PALMD: variants seen among roughly 807,000 people sequenced by gnomAD.
PALMD encodes paralemmin-like protein.
Under a neutral mutation model 56.2 loss-of-function variants are expected in PALMD, and 42 were observed. The observed-to-expected ratio is 0.75, with a 90% CI of 0.58 to 0.97. The LOEUF (loss-of-function observed/expected upper bound fraction) is 0.97, where lower values mean the gene tolerates loss of function less well. Ranked by LOEUF, PALMD falls within the 50% of genes least tolerant of loss-of-function variation. The pLI is 0.00. For missense variants in PALMD, 660 were observed against 643.8 expected (o/e 1.03, Z -0.27); for synonymous variants, 242 against 222.9 (o/e 1.09, Z -0.76).
intron 1 of PALMD, among the ~76,000 whole-genome samples, chr1:99,650,988 C>A (rs1433125156): frequency 6.6e-6 from 1 of 152,078 alleles, no homozygotes; most frequent in Non-Finnish European, 1.5e-5. Context: ...TGCATAATGC[C>A]CCATTGTTAA....
chr1:99,649,659 C>T (rs1440510017), intron 1 of PALMD, among the ~76,000 whole-genome samples: 2 of 152,190 alleles, frequency 1.3e-5, no homozygotes, highest in African/African-American at 4.8e-5. Flanking sequence ...CTTAACATCT[C>T]CTCCACAGCT....
Position 99,688,850 on chromosome 1 carries a change from T to A in PALMD, c.590T>A (p.Leu197Gln), listed in dbSNP as rs757717040. The change falls in exon 7 of 8, where the codon CTG becomes CAG. Residue 197 changes from leucine to glutamine, a missense_variant. Transcript: ENST00000263174. ...AGTACAGTTCTGTCTTCAATACCTC[T>A]GCCATCAGATGACTTTAAAGGTACA... ...GESTVLSSIPLPSDDFKGTGI... is the reference protein window; with the variant it reads ...GESTVLSSIPQPSDDFKGTGI... The A allele has an allele frequency of 8.7e-6, 14 of 1,612,668 alleles. No individual in the cohort carries two copies. In the South Asian group the frequency reaches 1.5e-4, roughly 18 times the overall value.
chr1:99,658,927 C>T (rs1571061626), intron 1 of PALMD, among the ~76,000 whole-genome samples: 1 of 150,170 alleles, frequency 6.7e-6, no homozygotes, highest in East Asian at 1.9e-4. Flanking sequence ...GCCTCGGTGA[C>T]AGAGTGAGAC....
Position 99,686,729 on chromosome 1 carries a change from A to C in PALMD, c.305A>C (p.Lys102Thr). 1 of 1,609,968 alleles carries C rather than the reference A, an allele frequency of 6.2e-7. No homozygotes were observed. The highest frequency in any genetic ancestry group is 8.5e-7 in the Non-Finnish European group (1 of 1,177,188). Reference sequence around the variant, plus strand: ...AAAGCTGAACTGCAAATCTCAACGAAGGAAGAGGCCATTTTAAAGAAACTA... The same window carrying C: ...AAAGCTGAACTGCAAATCTCAACGACGGAAGAGGCCATTTTAAAGAAACTA... ...LEKAELQIST[K>T]EEAILKKLKS... Residue 102 changes from lysine (K) to threonine (T), a missense_variant, in exon 4 of 8, where the codon AAG (lysine) becomes ACG (threonine). Transcript: ENST00000263174.
At chr1:99,689,989 GA>G (rs1402599823) in intron 7 of PALMD, 117 bp downstream of exon 7, 5 of 845,642 alleles carry the variant, frequency 5.9e-6, no homozygotes, top group Non-Finnish European at 9.0e-6. Flanking sequence ...TACGCACTGA[GA>G]TTTTTTTATT....
At chr1:99,690,194 A>G (rs536795259) in intron 7 of PALMD, 48 of 371,824 alleles carry the variant, frequency 1.3e-4, no homozygotes, top group African/African-American at 6.0e-4. Flanking sequence ...CATCAATAAC[A>G]TATCTTTTTC....
chr1:99,686,466 C>T, intron 3 of PALMD: 1 of 345,654 alleles, frequency 2.9e-6, no homozygotes, highest in Non-Finnish European at 5.2e-6. Flanking sequence ...AAAAAGAAAA[C>T]TTGAAAATCG....
At chr1:99,680,209 T>C (rs1653307825) in intron 3 of PALMD, among the ~76,000 whole-genome samples, 1 of 152,136 alleles carries the variant, frequency 6.6e-6, no homozygotes, top group African/African-American at 2.4e-5. Flanking sequence ...TGTCCTTTTT[T>C]CCAAGACAAA....
At chr1:99,648,704 C>T (rs1359052645) in intron 1 of PALMD, among the ~76,000 whole-genome samples, 1 of 151,646 alleles carries the variant, frequency 6.6e-6, no homozygotes, top group Non-Finnish European at 1.5e-5. Context: ...TTGCTTTTTA[C>T]ATTAAAATTC....
At chr1:99,657,263 T>C (rs1652747721) in intron 1 of PALMD, among the ~76,000 whole-genome samples, 1 of 152,222 alleles carries the variant, frequency 6.6e-6, no homozygotes, top group Non-Finnish European at 1.5e-5. Flanking sequence ...CATCTCAAAC[T>C]TGGCGAATCC....
intron 6 of PALMD, among the ~76,000 whole-genome samples, chr1:99,688,037 T>A (rs1351736087): frequency 6.6e-6 from 1 of 152,164 alleles, no homozygotes; most frequent in African/African-American, 2.4e-5. Context: ...GCCATAGGGA[T>A]CTTACTTAGG....
At chr1:99,648,973 T>G (rs1652507359) in intron 1 of PALMD, among the ~76,000 whole-genome samples, 1 of 152,018 alleles carries the variant, frequency 6.6e-6, no homozygotes, top group Non-Finnish European at 1.5e-5. Flanking sequence ...ATTACTATCG[T>G]GATGCCATTC....
Position 99,688,969 on chromosome 1 carries a change from G to A in PALMD, c.709G>A (p.Val237Ile). ...CAATGGCACCGATGGCCTGGCACCA[G>A]TTGAAGTAGAGGAACTTCTAAGACA... ...AYNGTDGLAP[V>I]EVEELLRQAS... The change falls in exon 7 of 8, where the codon GTT (valine) becomes ATT (isoleucine). Residue 237 changes from valine to isoleucine, a missense_variant. Coordinates refer to ENST00000263174, the MANE Select transcript of PALMD (RefSeq NM_017734.5). The A allele has an allele frequency of 6.2e-7, 1 of 1,613,740 alleles. No individual in the cohort carries two copies. The highest frequency in any genetic ancestry group is 8.5e-7 in the Non-Finnish European group (1 of 1,179,744).
chr1:99,666,560 A>G (rs1652964456), intron 2 of PALMD, among the ~76,000 whole-genome samples: 1 of 152,174 alleles, frequency 6.6e-6, no homozygotes, highest in South Asian at 2.1e-4. Flanking sequence ...TCAATATAAG[A>G]GAAAGAAGTC....
At chr1:99,660,457 G>A (rs951362656) in intron 1 of PALMD, among the ~76,000 whole-genome samples, 3 of 152,128 alleles carry the variant, frequency 2.0e-5, no homozygotes, top group African/African-American at 7.2e-5. Context: ...AATTGTGCCT[G>A]AAAAATATTG....
intron 3 of PALMD, among the ~76,000 whole-genome samples, chr1:99,679,979 C>T (rs1426893161): frequency 3.9e-5 from 6 of 152,190 alleles, no homozygotes; most frequent in Non-Finnish European, 1.5e-5. Flanking sequence ...TAAATGCTAA[C>T]ACATGAAGTA....
chr1:99,646,916 C>T (rs910424103), intron 1 of PALMD, among the ~76,000 whole-genome samples: 4 of 152,186 alleles, frequency 2.6e-5, no homozygotes, highest in Middle Eastern at 3.4e-3. Context: ...GGTAAAAGCA[C>T]GTATCAGATT....
intron 3 of PALMD, 33 bp from the exon 4 acceptor site, chr1:99,686,643 T>C (rs764483341): frequency 2.0e-5 from 22 of 1,108,312 alleles, no homozygotes; most frequent in Non-Finnish European, 2.6e-5. Context: ...TGTACTGTGT[T>C]AAGCAATAAA....
intron 1 of PALMD, among the ~76,000 whole-genome samples, chr1:99,661,402 A>G (rs1455965175): frequency 6.6e-6 from 1 of 152,208 alleles, no homozygotes; most frequent in Non-Finnish European, 1.5e-5. Flanking sequence ...CAAGTTATAT[A>G]TTTATTTATT....
Sources: gnomAD v4.1 joint callset for allele counts (sites outside exome capture counted in the v4.1 genomes callset) on GRCh38, gnomAD v4.1.1 for gene constraint, MANE v1.5 for transcripts, NCBI Gene and HGNC (gene_info 2026-07-23, HGNC 2026-07-21) for gene names.